PLCH2: variants seen among roughly 807,000 people sequenced by gnomAD.
The protein encoded by PLCH2 is 1-phosphatidylinositol 4,5-bisphosphate phosphodiesterase eta-2.
A neutral mutation model predicts 134.7 loss-of-function variants in PLCH2; 98 were observed. That is an observed-to-expected ratio of 0.73 (90% CI 0.62 to 0.86). PLCH2 has a LOEUF of 0.86. PLCH2 is among the 40% of genes least tolerant of loss of function. The probability of loss-of-function intolerance (pLI) is 0.00; values close to 1 mark genes in which losing one functional copy is unlikely to be tolerated. For missense variants in PLCH2, 1,994 were observed against 1,986.6 expected (o/e 1.00, Z -0.07); for synonymous variants, 974 against 827.5 (o/e 1.18, Z -3.04).
upstream of PLCH2, among the ~76,000 whole-genome samples, chr1:2,473,622 T>C (rs1436387459): frequency 6.6e-6 from 1 of 152,190 alleles, no homozygotes; most frequent in Non-Finnish European, 1.5e-5. Context: ...TCCCTCCCTG[T>C]CCACCTGTGT....
intron 4 of PLCH2, among the ~76,000 whole-genome samples, chr1:2,480,980 G>A (rs979553712): frequency 2.0e-5 from 3 of 152,166 alleles, no homozygotes; most frequent in Non-Finnish European, 2.9e-5. Flanking sequence ...GGGTGCAAGT[G>A]CCAGGCCCTG....
rs570520170 is a variant in PLCH2 at position 2,483,352 on chromosome 1, C to T, written c.646-1096C>T. Among the ~76,000 whole-genome samples the T allele has an allele frequency of 1.8e-4, 27 of 152,308 alleles. 1 individual carries two copies. The highest frequency in any genetic ancestry group is 5.3e-4 in the African/African-American group (22 of 41,574). On this transcript the variant is annotated intron_variant, in intron 4 of 21. Coordinates refer to ENST00000378486, the MANE Select transcript of PLCH2 (RefSeq NM_014638.4). ...GGGCCAGGGCCGAAGTGACAGCAGG[C>T]GGCTCACTGGGAGCGTAGGACCCCT...
chr1:2,424,306 T>TC (rs1156276369), upstream of PLCH2, among the ~76,000 whole-genome samples: 1 of 151,446 alleles, frequency 6.6e-6, no homozygotes, highest in South Asian at 2.1e-4. Context: ...ACTAAAAAAT[T>TC]CCCCCAAACC....
chr1:2,427,064 G>A (rs1020413119), intron 1 of PLCH2, among the ~76,000 whole-genome samples: 2 of 152,240 alleles, frequency 1.3e-5, no homozygotes, highest in African/African-American at 4.8e-5. Flanking sequence ...TGCCTCCTAT[G>A]CCCAGGACGT....
At position 2,478,587 on chromosome 1, in the gene PLCH2, G is replaced by T. The variant is rs774672025; in HGVS notation, c.236G>T (p.Arg79Leu). 1 of 1,611,890 alleles carries T rather than the reference G, an allele frequency of 6.2e-7. No homozygotes were observed. Among genetic ancestry groups the T allele is most frequent in the South Asian group, 1.1e-5 (1 of 90,888 alleles). Residue 79 changes from arginine (R) to leucine (L), a missense_variant, in exon 2 of 22, where the codon CGC becomes CTC. Physicochemically the swap from Arg to Leu is moderately radical, Grantham distance 102. Transcript: ENST00000378486. ...YYLDEHRSCI[R>L]WRPSRKNEKA... ...CTGGACGAGCACCGCTCCTGCATCC[G>T]CTGGAGGCCCTCACGCAAGAACGAG...
At chr1:2,447,369 G>A (rs1639990389) in intron 2 of PLCH2, among the ~76,000 whole-genome samples, 1 of 152,192 alleles carries the variant, frequency 6.6e-6, no homozygotes, top group Non-Finnish European at 1.5e-5. Context: ...CCTGCACACA[G>A]CTGTACAGTC....
chr1:2,505,305 A>G lies in PLCH2; in HGVS notation c.*92A>G. 1.0e-6 allele frequency: 1 copy of G among 980,140 alleles called. No homozygotes were observed. Among genetic ancestry groups the G allele is most frequent in the South Asian group, 1.6e-5 (1 of 62,170 alleles). The allele number at this position is 980,140 out of a possible 1,614,324, so 60.7% of individuals were successfully genotyped here. A position where few individuals can be genotyped will look rare whatever the true frequency, so the allele number is the denominator to read the frequency against. The stretch of plus-strand genomic sequence containing the variant: ...GGAAACAGGGCAGCCAGGCCCCCAA[A>G]ACTGTGTCCCCCTGGCTGCCCTGTG... On this transcript the variant is annotated 3_prime_UTR_variant, in exon 22 of 22. Transcript: ENST00000378486.
intron 2 of PLCH2, among the ~76,000 whole-genome samples, chr1:2,451,661 C>T (rs995522897): frequency 1.3e-5 from 2 of 152,222 alleles, no homozygotes; most frequent in African/African-American, 4.8e-5. Flanking sequence ...GGGTCAGCCA[C>T]CGTTGGCAGC....
upstream of PLCH2, among the ~76,000 whole-genome samples, chr1:2,422,972 ATAT>A (rs1274579866): frequency 6.6e-6 from 1 of 152,220 alleles, no homozygotes; most frequent in Non-Finnish European, 1.5e-5. Context: ...GTTTTATTAA[ATAT>A]TATCCCAAAA....
intron 2 of PLCH2, among the ~76,000 whole-genome samples, chr1:2,440,178 T>A (rs1282812904): frequency 2.0e-5 from 3 of 151,924 alleles, no homozygotes; most frequent in Non-Finnish European, 4.4e-5. Flanking sequence ...GTGGGTGTAT[T>A]GGAGTGAGGC....
At chr1:2,433,378 CG>C in intron 2 of PLCH2, among the ~76,000 whole-genome samples, 1 of 152,192 alleles carries the variant, frequency 6.6e-6, no homozygotes, top group East Asian at 1.9e-4. Context: ...CCTACTTGGC[CG>C]GGGGCTGCTG....
rs1327377014 is a variant in PLCH2 at position 2,448,272 on chromosome 1, G to T, written c.115+17643G>T. On this transcript the variant is annotated intron_variant, in intron 2 of 3. Transcript: ENST00000609981. The surrounding 1 kb of genome is among the most constrained non-coding windows in gnomAD (Gnocchi z 4.0). ...CGCACGCTTATTCTCTCGCAGTCCTGGAGGCTGGAAGTCTGAGGTCAGGGT... is the reference window on the plus strand; with the variant it reads ...CGCACGCTTATTCTCTCGCAGTCCTTGAGGCTGGAAGTCTGAGGTCAGGGT... 2.0e-5 allele frequency among the ~76,000 whole-genome samples: 3 copies of T among 152,152 alleles called. No individual in the cohort carries two copies. The highest frequency in any genetic ancestry group is 4.4e-5 in the Non-Finnish European group (3 of 68,034).
In PLCH2 at chr1:2,479,835, T is replaced by C. The variant is rs1225756232; in HGVS notation, c.373T>C (p.Tyr125His). 6 of 1,608,792 alleles carry C rather than the reference T, an allele frequency of 3.7e-6. No homozygotes were observed. In the African/African-American group the frequency reaches 5.3e-5, roughly 14 times the overall value. The part of the protein sequence containing the change: ...SFDPNCCFSI[Y>H]HGSHRESLDL... ...CGACCCCAACTGCTGCTTCAGCATC[T>C]ACCACGGCAGCCACCGCGAGTCGCT... Residue 125 changes from tyrosine to histidine, a missense_variant, in exon 3 of 22, where the codon TAC becomes CAC. Coordinates refer to ENST00000378486, the MANE Select transcript of PLCH2 (RefSeq NM_014638.4).
upstream of PLCH2, among the ~76,000 whole-genome samples, chr1:2,473,781 G>A (rs1346075368): frequency 6.6e-6 from 1 of 152,234 alleles, no homozygotes; most frequent in Non-Finnish European, 1.5e-5. Flanking sequence ...GGACCTGGGG[G>A]AGCAGCAGGT....
At chr1:2,490,231 A>G (rs1642499127) in intron 10 of PLCH2, among the ~76,000 whole-genome samples, 1 of 152,156 alleles carries the variant, frequency 6.6e-6, no homozygotes, top group South Asian at 2.1e-4. Flanking sequence ...AGGCCCTGGC[A>G]CAGGATTTCC....
intron 1 of PLCH2, among the ~76,000 whole-genome samples, chr1:2,468,862 G>A (rs1206628714): frequency 1.3e-5 from 2 of 152,182 alleles, no homozygotes; most frequent in African/African-American, 2.4e-5. Context: ...AGCATGGGGC[G>A]CTTTCACAGG....
At chr1:2,441,001 C>T (rs1473980415) in intron 2 of PLCH2, among the ~76,000 whole-genome samples, 1 of 152,150 alleles carries the variant, frequency 6.6e-6, no homozygotes, top group Non-Finnish European at 1.5e-5. Flanking sequence ...AGGAAACCGC[C>T]CCGACCATGC....
upstream of PLCH2, among the ~76,000 whole-genome samples, chr1:2,464,632 A>T (rs1264609191): frequency 1.3e-5 from 2 of 152,178 alleles, no homozygotes; most frequent in Non-Finnish European, 2.9e-5. Flanking sequence ...GCCAATGGAG[A>T]AAGCAGGAAT....
Position 2,504,931 on chromosome 1 carries a change from G to C in PLCH2, c.3969G>C (p.Pro1323=). 1 of 1,568,926 alleles carries C rather than the reference G, an allele frequency of 6.4e-7. No individual in the cohort carries two copies. Among genetic ancestry groups the C allele is most frequent in the Non-Finnish European group, 8.6e-7 (1 of 1,157,178 alleles). ...GDITSPTSLG[P]AGEGVAGGPG... ...TCACGTCACCCACCAGCCTGGGCCC[G>C]GCTGGGGAGGGGGTGGCAGGGGGCC... is the stretch of plus-strand genomic sequence containing the variant. Residue 1323 remains proline, a synonymous_variant, in exon 22 of 22, where the codon CCG becomes CCC. Coordinates refer to ENST00000378486, the MANE Select transcript of PLCH2 (RefSeq NM_014638.4).
Sources: allele counts gnomAD v4.1 joint callset (sites outside exome capture counted in the v4.1 genomes callset), GRCh38; gene constraint gnomAD v4.1.1; non-coding constraint Gnocchi (gnomAD v3.1); transcripts MANE v1.5; gene names NCBI Gene and HGNC (gene_info 2026-07-23, HGNC 2026-07-21).